The following HERC1 variants were observed in gnomAD, a reference collection of about 807,000 sequenced individuals.
HERC1 encodes probable E3 ubiquitin-protein ligase HERC1.
A neutral mutation model predicts 554.3 loss-of-function variants in HERC1; 160 were observed. The ratio of observed to expected loss-of-function variants is 0.29; its 90% confidence interval spans 0.25 to 0.33. The LOEUF (loss-of-function observed/expected upper bound fraction) is 0.33. HERC1 is among the 10% of genes least tolerant of loss of function. HERC1 has a pLI of 1.00. For missense variants in HERC1, 4,919 were observed against 5,918.5 expected, an observed-to-expected ratio of 0.83 and a Z score of 5.54; for synonymous variants, 2,175 against 2,131.7, an observed-to-expected ratio of 1.02 and a Z score of -0.56.
At chr15:63,739,559 C>T (rs923463385) in intron 12 of HERC1, among the ~76,000 whole-genome samples, 16 of 152,048 alleles carry the variant, frequency 1.1e-4, no homozygotes, top group Admixed American at 7.2e-4. Context: ...GTTATACAGG[C>T]CGAGCGCGGT....
chr15:63,740,248 T>C (rs1423687276), intron 12 of HERC1, among the ~76,000 whole-genome samples: 1 of 152,222 alleles, frequency 6.6e-6, no homozygotes, highest in African/African-American at 2.4e-5. Context: ...TAGGTTGTAG[T>C]ATGTATCACT....
intron 22 of HERC1, among the ~76,000 whole-genome samples, chr15:63,715,223 T>C (rs1256361112): frequency 6.6e-6 from 1 of 152,238 alleles, no homozygotes; most frequent in East Asian, 1.9e-4. Flanking sequence ...TGAGCTAATC[T>C]ATGCAAAGAA....
chr15:63,747,573 C>T (rs2075100540), intron 11 of HERC1, 151 bp downstream of exon 11: 2 of 472,720 alleles, frequency 4.2e-6, no homozygotes, highest in Admixed American at 3.7e-5. Flanking sequence ...CTAAGTTTAG[C>T]TCTTTTCTAG....
At chr15:63,805,588 T>C (rs1220850016) in intron 1 of HERC1, among the ~76,000 whole-genome samples, 2 of 152,204 alleles carry the variant, frequency 1.3e-5, no homozygotes, top group East Asian at 1.9e-4. Flanking sequence ...TTAACATTTA[T>C]CAAACTGTTG....
In HERC1 at chr15:63,675,113, G is replaced by C; in HGVS notation, c.7075C>G (p.Pro2359Ala). ...GTATCACTAGGCGACCAAAAAGTTG[G>C]GAAGCTTTAATAAAGATCAGAATGA... is the stretch of plus-strand genomic sequence containing the variant. ...WDEAEITISF[P>A]TFWSPSDTPL... Residue 2359 changes from proline (P) to alanine (A), a missense_variant, in exon 38 of 78, where the codon CCA becomes GCA. This residue lies in a region of HERC1 where 1,963 missense variants were observed against 2,228.6 expected (regional missense o/e 0.88). Transcript: ENST00000443617. 6.3e-7 allele frequency: 1 copy of C among 1,581,806 alleles called. No individual in the cohort carries two copies. The highest frequency in any genetic ancestry group is 1.1e-5 in the South Asian group (1 of 87,218).
At position 63,729,603 on chromosome 15, in the gene HERC1, A is replaced by C. The variant is rs1289359988; in HGVS notation, c.2915T>G (p.Leu972Arg). Residue 972 changes from leucine (L) to arginine (R), a missense_variant, in exon 15 of 78, where the codon CTT becomes CGT. Leu to Arg is a moderately radical substitution (Grantham distance 102). This residue lies in a region of HERC1 where 744 missense variants were observed against 1,090.0 expected (regional missense o/e 0.68). Coordinates refer to ENST00000443617, the MANE Select transcript of HERC1 (RefSeq NM_003922.4). ...ACTGTTTTCTGATGATGATGTTCCA[A>C]GTAGAAATTTATCACTATTCTTTTC... ...ELEKNSDKFLLGTSSSENSQP... is the reference protein window; with the variant it reads ...ELEKNSDKFLRGTSSSENSQP... 6.2e-7 allele frequency: 1 copy of C among 1,613,800 alleles called. No individual in the cohort carries two copies. Among genetic ancestry groups the C allele is most frequent in the Non-Finnish European group, 8.5e-7 (1 of 1,179,694 alleles).
chr15:63,788,192 T>C (rs2076518377), intron 1 of HERC1, among the ~76,000 whole-genome samples: 1 of 152,088 alleles, frequency 6.6e-6, no homozygotes, highest in Non-Finnish European at 1.5e-5. Flanking sequence ...TATTCTATAA[T>C]CCAGTACAAG....
At chr15:63,704,278 G>GT (rs1477507719) in intron 25 of HERC1, among the ~76,000 whole-genome samples, 2 of 152,148 alleles carry the variant, frequency 1.3e-5, no homozygotes, top group African/African-American at 4.8e-5. Context: ...TCAAATTACA[G>GT]TTTTTTCTTA....
intron 70 of HERC1, among the ~76,000 whole-genome samples, chr15:63,626,403 G>A (rs2068301879): frequency 6.6e-6 from 1 of 152,120 alleles, no homozygotes; most frequent in Non-Finnish European, 1.5e-5. Context: ...ATGAAACCTG[G>A]TATTTTCTCT....
intron 42 of HERC1, among the ~76,000 whole-genome samples, chr15:63,665,369 T>C (rs988024419): frequency 6.6e-6 from 1 of 152,034 alleles, no homozygotes; most frequent in African/African-American, 2.4e-5. Flanking sequence ...CTGTCTCTAC[T>C]AAAAATACAA....
At position 63,802,031 on chromosome 15, in the gene HERC1, TAGAG is replaced by T. The variant is rs1254091301; in HGVS notation, c.-26-26386_-26-26383del. 9.2e-5 allele frequency among the ~76,000 whole-genome samples: 14 copies of T among 152,282 alleles called. No homozygotes were observed. The East Asian group carries it at 9.6e-4, about 10-fold the overall frequency. On this transcript the variant is annotated intron_variant, in intron 1 of 77. Transcript: ENST00000443617. ...CATGTCTCCCCCAATACACAGTACT[TAGAG>T]AATCATAAGAGAAAGTGTCAATAAA...
At chr15:63,744,194 CT>C (rs2074967611) in intron 12 of HERC1, among the ~76,000 whole-genome samples, 3 of 144,044 alleles carry the variant, frequency 2.1e-5, no homozygotes, top group African/African-American at 7.8e-5. Context: ...CTCTCTCTCT[CT>C]CTGTCTCTCC....
intron 14 of HERC1, among the ~76,000 whole-genome samples, chr15:63,729,928 G>A (rs2074210185): frequency 6.6e-6 from 1 of 150,820 alleles, no homozygotes; most frequent in African/African-American, 2.4e-5. Context: ...GGGAGGCTGA[G>A]GCAGGAGAAT....
intron 69 of HERC1, 111 bp downstream of exon 69, chr15:63,630,355 C>G: frequency 9.4e-7 from 1 of 1,065,722 alleles, no homozygotes; most frequent in African/African-American, 1.6e-5. Context: ...AAGTGATGTG[C>G]TTGGAGTATT....
intron 64 of HERC1, 47 bp downstream of exon 64, chr15:63,637,458 C>T (rs983567730): frequency 1.3e-6 from 2 of 1,512,076 alleles, no homozygotes; most frequent in Non-Finnish European, 1.8e-6. Context: ...ACCAAACCTA[C>T]ATTAGGCCTT....
chr15:63,625,464 G>C (rs1015418782), intron 71 of HERC1, among the ~76,000 whole-genome samples: 1 of 151,962 alleles, frequency 6.6e-6, no homozygotes, highest in Non-Finnish European at 1.5e-5. Context: ...AGGTGGAGGT[G>C]GGGGGGATCA....
chr15:63,783,693 C>G (rs1053035933), intron 1 of HERC1, among the ~76,000 whole-genome samples: 4 of 152,170 alleles, frequency 2.6e-5, no homozygotes, highest in Non-Finnish European at 4.4e-5. Context: ...TATAAACCAC[C>G]AGTCCTTAAA....
chr15:63,780,181 A>G (rs2076246905), intron 1 of HERC1, among the ~76,000 whole-genome samples: 1 of 152,112 alleles, frequency 6.6e-6, no homozygotes, highest in Non-Finnish European at 1.5e-5. Flanking sequence ...ATTTGCTCCT[A>G]TCCTATTTTA....
intron 1 of HERC1, among the ~76,000 whole-genome samples, chr15:63,811,226 G>A (rs1485090251): frequency 6.6e-6 from 1 of 152,218 alleles, no homozygotes; most frequent in Non-Finnish European, 1.5e-5. Context: ...TGTGATAAAA[G>A]TATTGTGGTT....
Sources: allele counts gnomAD v4.1 joint callset (sites outside exome capture counted in the v4.1 genomes callset), GRCh38; gene constraint gnomAD v4.1.1; regional missense constraint gnomAD v4.1.1; transcripts MANE v1.5; gene names NCBI Gene and HGNC (gene_info 2026-07-23, HGNC 2026-07-21).